Variants in TAFA2 observed in about 807,000 individuals in gnomAD.
TAFA2 encodes chemokine-like protein TAFA-2.
TAFA2 carries 7 observed loss-of-function variants against 18.8 expected under a neutral mutation model. That is an observed-to-expected ratio of 0.37 (90% CI 0.21 to 0.70). TAFA2 has a LOEUF of 0.70. TAFA2 is among the 30% of genes least tolerant of loss of function. The probability of loss-of-function intolerance (pLI) is 0.53; values close to 1 mark genes in which losing one functional copy is unlikely to be tolerated. For synonymous variants in TAFA2, 60 were observed against 54.2 expected (o/e 1.11, Z -0.47); for missense variants, 122 against 158.1 (o/e 0.77, Z 1.23).
chr12:62,160,835 G>GC (rs1176322591), intron 1 of TAFA2, among the ~76,000 whole-genome samples: 1 of 152,104 alleles, frequency 6.6e-6, no homozygotes, highest in Non-Finnish European at 1.5e-5. Context: ...GTGTGAGTTT[G>GC]CCCTGCGATG....
chr12:62,144,505 T>G (rs913367000), intron 1 of TAFA2, among the ~76,000 whole-genome samples: 20 of 152,112 alleles, frequency 1.3e-4, no homozygotes, highest in Middle Eastern at 3.4e-3. Flanking sequence ...GGAAAAAAAT[T>G]TTTTCAAGAA....
At chr12:61,891,794 G>A (rs1017523745) in intron 1 of TAFA2, among the ~76,000 whole-genome samples, 3 of 152,072 alleles carry the variant, frequency 2.0e-5, no homozygotes, top group Admixed American at 6.6e-5. Context: ...GGGGCAGTAT[G>A]TATGAGTCAG....
intron 1 of TAFA2, among the ~76,000 whole-genome samples, chr12:61,948,621 A>T (rs1037879160): frequency 6.6e-6 from 1 of 152,210 alleles, no homozygotes; most frequent in Non-Finnish European, 1.5e-5. Flanking sequence ...ATTATAAAAA[A>T]GCAAGCAAAT....
At chr12:61,919,646 C>T (rs1034667225) in intron 1 of TAFA2, among the ~76,000 whole-genome samples, 2 of 151,642 alleles carry the variant, frequency 1.3e-5, no homozygotes, top group Non-Finnish European at 2.9e-5. Context: ...TTTTATTGTA[C>T]TGTATATCTA....
At chr12:61,894,071 G>A (rs1377795717) in intron 1 of TAFA2, among the ~76,000 whole-genome samples, 1 of 151,392 alleles carries the variant, frequency 6.6e-6, no homozygotes, top group Non-Finnish European at 1.5e-5. Context: ...AGGCTAAACA[G>A]GCCTCTTTCT....
At chr12:61,946,346 TA>T (rs1490057859) in intron 1 of TAFA2, among the ~76,000 whole-genome samples, 1 of 143,772 alleles carries the variant, frequency 7.0e-6, no homozygotes, top group African/African-American at 2.6e-5. Flanking sequence ...CCTAAAACCA[TA>T]AAAACCCTAG....
At chr12:61,841,518 C>A (rs1314125892) in intron 2 of TAFA2, among the ~76,000 whole-genome samples, 1 of 152,002 alleles carries the variant, frequency 6.6e-6, no homozygotes, top group Non-Finnish European at 1.5e-5. Flanking sequence ...TGTTTTTATG[C>A]CAATACCATG....
intron 2 of TAFA2, among the ~76,000 whole-genome samples, chr12:61,852,015 C>G (rs1592434809): frequency 6.6e-6 from 1 of 151,622 alleles, no homozygotes; most frequent in South Asian, 2.1e-4. Flanking sequence ...CGAGACCAGC[C>G]TGACCAACAT....
chr12:62,128,774 G>A (rs1265050687), intron 1 of TAFA2, among the ~76,000 whole-genome samples: 1 of 152,028 alleles, frequency 6.6e-6, no homozygotes, highest in African/African-American at 2.4e-5. Context: ...GCCACTTCCT[G>A]ATGATAAGCT....
chr12:62,236,084 C>A (rs1393798168), intron 1 of TAFA2, among the ~76,000 whole-genome samples: 1 of 151,544 alleles, frequency 6.6e-6, no homozygotes, highest in Non-Finnish European at 1.5e-5. Flanking sequence ...TCAAGTATAT[C>A]TTTTTATACT....
intron 1 of TAFA2, among the ~76,000 whole-genome samples, chr12:61,913,230 A>C (rs781234288): frequency 6.6e-6 from 1 of 152,156 alleles, no homozygotes; most frequent in Non-Finnish European, 1.5e-5. Context: ...AAAAGAATAC[A>C]GAGGGAAAGA....
At chr12:62,043,574 T>C (rs1881826926) in intron 1 of TAFA2, among the ~76,000 whole-genome samples, 2 of 152,100 alleles carry the variant, frequency 1.3e-5, no homozygotes, top group Non-Finnish European at 2.9e-5. Flanking sequence ...GTAACAAACC[T>C]GCACATTGTG....
intron 1 of TAFA2, among the ~76,000 whole-genome samples, chr12:62,249,051 T>C (rs55651345): frequency 1.3e-5 from 2 of 151,998 alleles, no homozygotes; most frequent in African/African-American, 2.4e-5. Flanking sequence ...TGCCCCAGGG[T>C]AATTGTTTAA....
chr12:62,081,006 G>GGCCA (rs1868313922), intron 1 of TAFA2, among the ~76,000 whole-genome samples: 1 of 152,078 alleles, frequency 6.6e-6, no homozygotes, highest in South Asian at 2.1e-4. Context: ...CATTCTGCCT[G>GGCCA]ACACGGTGAA....
intron 1 of TAFA2, among the ~76,000 whole-genome samples, chr12:62,002,039 C>T (rs1880394135): frequency 6.6e-6 from 1 of 152,138 alleles, no homozygotes; most frequent in Admixed American, 6.5e-5. Flanking sequence ...CTATGCCTCT[C>T]TCTTCTGTGG....
chr12:61,724,751 ATGTGTGTGTGTGTGTGTGTGTGTGTGTG>A (rs71083953), intron 4 of TAFA2, among the ~76,000 whole-genome samples: 3 of 114,630 alleles, frequency 2.6e-5, no homozygotes, highest in African/African-American at 3.2e-5. Flanking sequence ...TGGTATGTCT[ATGTGTGTGTGTGTGTGTGTGTGTGTGTG>A]TGTGTGTGTG....
chr12:62,054,736 A>G (rs1882142173), intron 1 of TAFA2, among the ~76,000 whole-genome samples: 1 of 152,228 alleles, frequency 6.6e-6, no homozygotes, highest in Admixed American at 6.5e-5. Context: ...TTCTAAATAT[A>G]TAACGCTTGG....
chr12:62,028,931 A>G (rs1329874982), intron 1 of TAFA2, among the ~76,000 whole-genome samples: 1 of 152,182 alleles, frequency 6.6e-6, no homozygotes, highest in Non-Finnish European at 1.5e-5. Context: ...GCCATTTACT[A>G]TCTGTATGCT....
At chr12:62,211,148 G>A (rs539525821) in intron 1 of TAFA2, among the ~76,000 whole-genome samples, 3 of 152,204 alleles carry the variant, frequency 2.0e-5, no homozygotes, top group African/African-American at 4.8e-5. Context: ...GCCCTTTGTC[G>A]AGCACAATCT....
Sources: gnomAD v4.1 joint callset for allele counts (sites outside exome capture counted in the v4.1 genomes callset) on GRCh38, gnomAD v4.1.1 for gene constraint, MANE v1.5 for transcripts, NCBI Gene and HGNC (gene_info 2026-07-23, HGNC 2026-07-21) for gene names.